The following NCAM2 variants were observed in gnomAD, a reference collection of about 807,000 sequenced individuals.
NCAM2 encodes neural cell adhesion molecule 2.
In NCAM2, 30 loss-of-function variants were observed where a neutral mutation model predicts 98.1. The ratio of observed to expected loss-of-function variants is 0.31; its 90% confidence interval spans 0.23 to 0.41. The LOEUF (loss-of-function observed/expected upper bound fraction) is 0.41. NCAM2 is among the 10% of genes least tolerant of loss of function. The pLI is 1.00. For synonymous variants in NCAM2, 368 were observed against 342.4 expected (o/e 1.07, Z -0.83); for missense variants, 867 against 1,005.8 (o/e 0.86, Z 1.87).
chr21:21,392,247 C>A (rs980453684), intron 9 of NCAM2, among the ~76,000 whole-genome samples: 2 of 152,150 alleles, frequency 1.3e-5, no homozygotes, highest in African/African-American at 4.8e-5. Context: ...TAATGGCCAC[C>A]AGATCCATCT....
chr21:21,252,198 C>T (rs547920923), intron 1 of NCAM2, among the ~76,000 whole-genome samples: 12 of 151,962 alleles, frequency 7.9e-5, no homozygotes, highest in African/African-American at 2.2e-4. Context: ...TGTAAGGAAA[C>T]GATAGATGCT....
chr21:21,157,676 C>G (rs189077717), intron 1 of NCAM2, among the ~76,000 whole-genome samples: 12 of 151,968 alleles, frequency 7.9e-5, no homozygotes, highest in African/African-American at 2.9e-4. Flanking sequence ...AAAAAAACTT[C>G]GTAAAACATG....
At chr21:21,475,659 T>C (rs1431096393) in intron 14 of NCAM2, among the ~76,000 whole-genome samples, 1 of 152,206 alleles carries the variant, frequency 6.6e-6, no homozygotes, top group Non-Finnish European at 1.5e-5. Context: ...TAAGTAGTAC[T>C]GGCTACAGGC....
At chr21:21,248,776 CAAAAAAAAAAAAAAAAAAAAAAAAAA>C (rs1171857115) in intron 1 of NCAM2, among the ~76,000 whole-genome samples, 3 of 50,652 alleles carry the variant, frequency 5.9e-5, no homozygotes, top group East Asian at 9.1e-4. Context: ...GACTCTGTCT[CAAAAAAAAAAAAAAAAAAAAAAAAAA>C]AAAAAAAAAA....
At chr21:21,220,789 A>G (rs1176500190) in intron 1 of NCAM2, among the ~76,000 whole-genome samples, 1 of 152,150 alleles carries the variant, frequency 6.6e-6, no homozygotes, top group Non-Finnish European at 1.5e-5. Flanking sequence ...TAGATTCTGC[A>G]TTTTTTATAA....
chr21:21,472,465 T>G (rs1001125745), intron 14 of NCAM2, among the ~76,000 whole-genome samples: 1 of 152,072 alleles, frequency 6.6e-6, no homozygotes, highest in African/African-American at 2.4e-5. Context: ...GTTTAAGTTT[T>G]GAAGTATTTT....
rs571584708 is a variant in NCAM2 at position 21,314,561 on chromosome 21, A to G, written c.620-9822A>G. Among the ~76,000 whole-genome samples, 483 of 152,208 alleles carry G rather than the reference A, an allele frequency of 3.2e-3. 1 individual carries two copies. The highest frequency in any genetic ancestry group is 4.1e-3 in the Admixed American group (62 of 15,272). On this transcript the variant is annotated intron_variant, in intron 5 of 17. Coordinates refer to ENST00000400546, the MANE Select transcript of NCAM2 (RefSeq NM_004540.5). ...TACACATATGTACACGTATATACCT[A>G]CATTATTTTGTCCTGGTCGTCTTTC...
intron 9 of NCAM2, among the ~76,000 whole-genome samples, chr21:21,394,469 C>CTTTTTTTGTTTTTTTTT (rs2076453459): frequency 1.7e-5 from 1 of 57,632 alleles, no homozygotes; most frequent in African/African-American, 8.0e-5. Flanking sequence ...AAGGGGCCAG[C>CTTTTTTTGTTTTTTTTT]TTTTTTTTTT....
At chr21:21,089,298 G>A (rs889000788) in intron 1 of NCAM2, among the ~76,000 whole-genome samples, 1 of 152,050 alleles carries the variant, frequency 6.6e-6, no homozygotes, top group African/African-American at 2.4e-5. Context: ...AAATTTCATC[G>A]AAAAGAATTT....
At chr21:21,278,939 A>G (rs1842934218) in intron 1 of NCAM2, among the ~76,000 whole-genome samples, 1 of 151,888 alleles carries the variant, frequency 6.6e-6, no homozygotes, top group Admixed American at 6.6e-5. Flanking sequence ...TATTTCTCCT[A>G]TTTGCTGTTT....
At chr21:21,000,652 A>G (rs1336740258) in intron 1 of NCAM2, among the ~76,000 whole-genome samples, 4 of 152,104 alleles carry the variant, frequency 2.6e-5, no homozygotes, top group Non-Finnish European at 5.9e-5. Context: ...ATCATTGTAA[A>G]GATCTCTCTA....
intron 1 of NCAM2, among the ~76,000 whole-genome samples, chr21:21,043,889 GAATCTTTCTTTGCAA>G (rs2064958010): frequency 6.7e-6 from 1 of 150,274 alleles, no homozygotes; most frequent in Admixed American, 6.6e-5. Context: ...GTAGATATGT[GAATCTTTCTTTGCAA>G]ATATTAAAAT....
chr21:21,433,841 G>C (rs2077407753), intron 12 of NCAM2, among the ~76,000 whole-genome samples: 2 of 151,462 alleles, frequency 1.3e-5, no homozygotes, highest in Non-Finnish European at 1.5e-5. Context: ...AAAAACAGAA[G>C]GAAAAAAGGC....
chr21:21,154,166 TAAAG>T (rs1196027527), intron 1 of NCAM2, among the ~76,000 whole-genome samples: 1 of 151,816 alleles, frequency 6.6e-6, no homozygotes, highest in Non-Finnish European at 1.5e-5. Flanking sequence ...GATAACATCA[TAAAG>T]AAACAATCAG....
intron 6 of NCAM2, among the ~76,000 whole-genome samples, chr21:21,325,198 C>T (rs1394833216): frequency 6.6e-6 from 1 of 152,112 alleles, no homozygotes; most frequent in Non-Finnish European, 1.5e-5. Flanking sequence ...CAGGTTGCTA[C>T]AGAAGCATTA....
At position 21,410,292 on chromosome 21, in the gene NCAM2, C is replaced by T. The variant is rs1423944091; in HGVS notation, c.1214C>T (p.Ser405Leu). The part of the protein sequence containing the change: ...LDIEYAPKFI[S>L]NQTIYYSWEG... ...ATTACAGATGCCCCCAAGTTTATAT[C>T]AAACCAAACAATTTATTACTCTTGG... Residue 405 changes from serine (S) to leucine (L), a missense_variant, in exon 10 of 18, where the codon TCA (serine) becomes TTA (leucine). Physicochemically the swap from Ser to Leu is moderately radical, Grantham distance 145. This residue lies in a region of NCAM2 where 447 missense variants were observed against 495.7 expected (regional missense o/e 0.90). Coordinates refer to ENST00000400546, the MANE Select transcript of NCAM2 (RefSeq NM_004540.5). 1 of 1,559,024 alleles carries T rather than the reference C, an allele frequency of 6.4e-7. No individual in the cohort carries two copies. The highest frequency in any genetic ancestry group is 1.4e-5 in the African/African-American group (1 of 72,448).
intron 1 of NCAM2, among the ~76,000 whole-genome samples, chr21:21,269,728 A>C (rs2072423059): frequency 1.3e-5 from 2 of 152,176 alleles, no homozygotes; most frequent in Non-Finnish European, 2.9e-5. Flanking sequence ...AATTAAAATC[A>C]TTATTTTTCT....
In NCAM2 at chr21:21,251,027, A is replaced by G. The variant is rs77602997; in HGVS notation, c.56-29551A>G. ...AGTTTAACCTGGCATGATTATTTTT[A>G]ACACCTGGCTTATCTATTCTCTTTC... On this transcript the variant is annotated intron_variant, in intron 1 of 17. Transcript: ENST00000400546. 7.0e-3 allele frequency among the ~76,000 whole-genome samples: 1,069 copies of G among 152,306 alleles called. 19 individuals are homozygous for G. Among genetic ancestry groups the G allele is most frequent in the African/African-American group, 0.025 (1,029 of 41,556 alleles).
chr21:21,020,263 T>G (rs578148450), intron 1 of NCAM2, among the ~76,000 whole-genome samples: 50 of 152,270 alleles, frequency 3.3e-4, no homozygotes, highest in African/African-American at 1.2e-3. Flanking sequence ...CTCAAACTCC[T>G]GACCTCAGGT....
Sources: allele counts gnomAD v4.1 joint callset (sites outside exome capture counted in the v4.1 genomes callset), GRCh38; gene constraint gnomAD v4.1.1; regional missense constraint gnomAD v4.1.1; transcripts MANE v1.5; gene names NCBI Gene and HGNC (gene_info 2026-07-23, HGNC 2026-07-21).